Variants in SMARCC1 observed in about 807,000 individuals in gnomAD.
SMARCC1 encodes SWI/SNF related BAF chromatin remodeling complex subunit C1, also known as SWI/SNF complex subunit SMARCC1.
SMARCC1 carries 43 observed loss-of-function variants against 147.4 expected under a neutral mutation model. The observed-to-expected ratio is 0.29, with a 90% CI of 0.23 to 0.38. The LOEUF (loss-of-function observed/expected upper bound fraction) is 0.38. Ranked by LOEUF, SMARCC1 falls within the 10% of genes least tolerant of loss-of-function variation. The probability of loss-of-function intolerance (pLI) is 1.00; values close to 1 mark genes in which losing one functional copy is unlikely to be tolerated. For missense variants in SMARCC1, 1,119 were observed against 1,381.1 expected (o/e 0.81, Z 3.01); for synonymous variants, 495 against 484.4 (o/e 1.02, Z -0.29).
chr3:47,777,935 G>A (rs1361360238), intron 1 of SMARCC1, among the ~76,000 whole-genome samples: 2 of 151,870 alleles, frequency 1.3e-5, no homozygotes, highest in Non-Finnish European at 2.9e-5. Flanking sequence ...GCCAGGCACA[G>A]TGGCTCATGC....
At chr3:47,765,961 GACC>G (rs2034835403) in intron 2 of SMARCC1, among the ~76,000 whole-genome samples, 1 of 152,082 alleles carries the variant, frequency 6.6e-6, no homozygotes, top group Non-Finnish European at 1.5e-5. Context: ...TCGAACTCCT[GACC>G]TCAGGTGATC....
chr3:47,670,026 G>A (rs539126536), intron 19 of SMARCC1, among the ~76,000 whole-genome samples: 1 of 152,338 alleles, frequency 6.6e-6, no homozygotes, highest in Non-Finnish European at 1.5e-5. Context: ...TCCAGGCAAT[G>A]ACACCAATTG....
At chr3:47,652,772 C>CA (rs937180529) in intron 21 of SMARCC1, among the ~76,000 whole-genome samples, 4 of 151,766 alleles carry the variant, frequency 2.6e-5, no homozygotes, top group African/African-American at 9.7e-5. Context: ...CAATGAAAAA[C>CA]AAAAAATATA....
intron 19 of SMARCC1, chr3:47,663,983 G>GTGCTTGCTCCTGGGTTTT: frequency 9.0e-7 from 1 of 1,113,692 alleles, no homozygotes; most frequent in Non-Finnish European, 1.3e-6. Flanking sequence ...CCAAAACCCA[G>GTGCTTGCTCCTGGGTTTT]GAGCAAGCAC....
intron 26 of SMARCC1, chr3:47,604,096 A>C (rs1326996026): frequency 4.4e-6 from 2 of 456,650 alleles, no homozygotes; most frequent in Non-Finnish European, 8.8e-6. Context: ...AACTAAATGG[A>C]ATATGTACAG....
intron 21 of SMARCC1, among the ~76,000 whole-genome samples, chr3:47,645,883 G>T (rs1289290026): frequency 6.6e-6 from 1 of 152,194 alleles, no homozygotes; most frequent in Non-Finnish European, 1.5e-5. Flanking sequence ...ATATCTATAT[G>T]ATAATAGTAC....
At chr3:47,718,138 CAAA>C (rs71070217) in intron 7 of SMARCC1, among the ~76,000 whole-genome samples, 4 of 53,676 alleles carry the variant, frequency 7.5e-5, no homozygotes, top group Admixed American at 2.3e-4. Flanking sequence ...GACCTTGTCT[CAAA>C]AAAAAAAAAA....
At chr3:47,710,488 CA>C (rs1487792175) in intron 9 of SMARCC1, among the ~76,000 whole-genome samples, 194 bp downstream of exon 9, 2 of 151,934 alleles carry the variant, frequency 1.3e-5, no homozygotes, top group Non-Finnish European at 2.9e-5. Context: ...ATTTTCATAC[CA>C]CTTTTTGGGA....
At chr3:47,720,433 T>C (rs759388602) in intron 7 of SMARCC1, among the ~76,000 whole-genome samples, 2 of 152,184 alleles carry the variant, frequency 1.3e-5, no homozygotes, top group Non-Finnish European at 2.9e-5. Flanking sequence ...TGATATCAGT[T>C]TTTTTTAAAG....
In SMARCC1 at chr3:47,740,521, A is replaced by T. The variant is rs529432458; in HGVS notation, c.402-2411T>A. ...ACACCCGGCTAATTTTTGTATTTTTAGTAGAAATGGAGTTTCACCATGTGG... is the reference window on the plus strand; with the variant it reads ...ACACCCGGCTAATTTTTGTATTTTTTGTAGAAATGGAGTTTCACCATGTGG... On this transcript the variant is annotated intron_variant, in intron 3 of 27. Transcript: ENST00000254480. Among the ~76,000 whole-genome samples the T allele has an allele frequency of 8.6e-5, 13 of 151,752 alleles. No individual in the cohort carries two copies. The East Asian group carries it at 2.5e-3, about 29-fold the overall frequency.
intron 2 of SMARCC1, among the ~76,000 whole-genome samples, chr3:47,755,356 C>T (rs78646239): frequency 6.6e-6 from 1 of 150,560 alleles, no homozygotes; most frequent in African/African-American, 2.4e-5. Context: ...AAAAATTAGA[C>T]AGGCACGGTG....
intron 25 of SMARCC1, 68 bp downstream of exon 25, chr3:47,622,139 A>G: frequency 7.2e-7 from 1 of 1,388,740 alleles, no homozygotes. Context: ...TATTTTATCT[A>G]ACTTGTTTTG....
chr3:47,687,913 A>G (rs2033745355), intron 13 of SMARCC1, among the ~76,000 whole-genome samples: 1 of 152,166 alleles, frequency 6.6e-6, no homozygotes, highest in East Asian at 1.9e-4. Context: ...ATAGGTGCCA[A>G]TCTCTATTTA....
intron 2 of SMARCC1, among the ~76,000 whole-genome samples, chr3:47,752,086 A>C (rs1553690466): frequency 6.6e-6 from 1 of 152,122 alleles, no homozygotes; most frequent in Non-Finnish European, 1.5e-5. Context: ...TTCATCTCAA[A>C]AACAACAACA....
At chr3:47,739,094 G>C (rs997412734) in intron 3 of SMARCC1, among the ~76,000 whole-genome samples, 5 of 152,048 alleles carry the variant, frequency 3.3e-5, no homozygotes, top group African/African-American at 4.8e-5. Context: ...TTTTTGCTCT[G>C]TTTTAATTCT....
chr3:47,776,798 G>A (rs751923183), intron 1 of SMARCC1, among the ~76,000 whole-genome samples: 39 of 150,628 alleles, frequency 2.6e-4, no homozygotes, highest in Non-Finnish European at 4.7e-4. Context: ...TTTTTAAACC[G>A]AGTTTTGATC....
At chr3:47,737,921 C>T in intron 4 of SMARCC1, 108 bp downstream of exon 4, 1 of 616,178 alleles carries the variant, frequency 1.6e-6, no homozygotes, top group Non-Finnish European at 2.7e-6. Context: ...CCTCGGCCTC[C>T]CAAAGTGCTG....
In SMARCC1 at chr3:47,662,551, T is replaced by C. The variant is rs751274601; in HGVS notation, c.1941A>G (p.Glu647=). 6.2e-7 allele frequency: 1 copy of C among 1,614,060 alleles called. No individual in the cohort carries two copies. The highest frequency in any genetic ancestry group is 1.7e-5 in the Admixed American group (1 of 60,020). The change falls in exon 20 of 28, where the codon GAA becomes GAG. Residue 647 remains glutamate, a synonymous_variant. Transcript: ENST00000254480. ...CATCCTGAGTACGACTTCCAACATG[T>C]TCCGACACTTTGTTCCAATCATCCT... The part of the protein sequence containing the change: ...MYKDDWNKVS[E]HVGSRTQDEC...
intron 26 of SMARCC1, chr3:47,604,659 A>T: frequency 5.8e-6 from 1 of 173,288 alleles, no homozygotes. Flanking sequence ...CTTTTTCTGA[A>T]CTGGTAACTT....
Sources: gnomAD v4.1 joint callset for allele counts (sites outside exome capture counted in the v4.1 genomes callset) on GRCh38, gnomAD v4.1.1 for gene constraint, MANE v1.5 for transcripts, NCBI Gene and HGNC (gene_info 2026-07-23, HGNC 2026-07-21) for gene names.